The following FREM2 variants were observed in gnomAD, a reference collection of about 807,000 sequenced individuals.
The protein encoded by FREM2 is FRAS1 related extracellular matrix 2.
A neutral mutation model predicts 219.9 loss-of-function variants in FREM2; 119 were observed. That is an observed-to-expected ratio of 0.54 (90% confidence interval 0.47 to 0.63). The LOEUF is 0.63. Among genes scored for constraint, FREM2 ranks in the 30% least tolerant of loss-of-function variants. The probability of loss-of-function intolerance (pLI) is 0.00; values close to 1 mark genes in which losing one functional copy is unlikely to be tolerated. For synonymous variants in FREM2, 1,562 were observed against 1,522.8 expected (o/e 1.03, Z -0.60); for missense variants, 4,030 against 3,993.6 (o/e 1.01, Z -0.25).
intron 2 of FREM2, among the ~76,000 whole-genome samples, chr13:38,718,083 G>T (rs370059991): frequency 6.6e-6 from 1 of 152,112 alleles, no homozygotes; most frequent in Non-Finnish European, 1.5e-5. Flanking sequence ...TACCCAAAAA[G>T]ACATCATTTA....
At chr13:38,782,319 T>A (rs1266239304) in intron 4 of FREM2, among the ~76,000 whole-genome samples, 1 of 152,226 alleles carries the variant, frequency 6.6e-6, no homozygotes, top group Non-Finnish European at 1.5e-5. Context: ...TTGTTTTACA[T>A]GATAACTGCA....
intron 6 of FREM2, among the ~76,000 whole-genome samples, chr13:38,822,366 T>TTG (rs1555269932): frequency 3.4e-5 from 5 of 146,758 alleles, no homozygotes; most frequent in African/African-American, 1.0e-4. Flanking sequence ...TTTTTTTTTT[T>TTG]TTTTTAAGAA....
chr13:38,692,663 T>C, intron 1 of FREM2, 146 bp downstream of exon 1: 1 of 921,218 alleles, frequency 1.1e-6, no homozygotes. Flanking sequence ...CTCACTTTCC[T>C]AGGAGGACAG....
At chr13:38,748,187 G>A (rs912419750) in intron 2 of FREM2, among the ~76,000 whole-genome samples, 1 of 152,194 alleles carries the variant, frequency 6.6e-6, no homozygotes, top group African/African-American at 2.4e-5. Context: ...TGTTCCAACA[G>A]TAAATGTGGT....
At chr13:38,721,385 C>T (rs1172370754) in intron 2 of FREM2, among the ~76,000 whole-genome samples, 1 of 152,082 alleles carries the variant, frequency 6.6e-6, no homozygotes, top group Non-Finnish European at 1.5e-5. Flanking sequence ...AACAAAGAGG[C>T]AGCCATGGGT....
At chr13:38,779,472 C>T (rs1450082104) in intron 4 of FREM2, 1 of 151,972 alleles carries the variant, frequency 6.6e-6, no homozygotes, top group Non-Finnish European at 1.5e-5. Context: ...AGCACGGCCC[C>T]TGTGCAAGGA....
intron 2 of FREM2, among the ~76,000 whole-genome samples, chr13:38,711,650 A>G (rs1470630): frequency 0.39 from 59,302 of 152,038 alleles, 14,038 homozygotes; most frequent in Non-Finnish European, 0.54. Flanking sequence ...AATGTCTTTG[A>G]TCATATCATA....
intron 6 of FREM2, among the ~76,000 whole-genome samples, chr13:38,829,406 T>C (rs779890154): frequency 1.3e-5 from 2 of 152,112 alleles, no homozygotes; most frequent in African/African-American, 2.4e-5. Context: ...CCAAGATTCC[T>C]TTTAACATGA....
chr13:38,761,901 G>A (rs1048059120), intron 2 of FREM2, among the ~76,000 whole-genome samples: 2 of 152,136 alleles, frequency 1.3e-5, no homozygotes, highest in Non-Finnish European at 2.9e-5. Context: ...GAACAATCAG[G>A]GTAGGTCAGG....
In FREM2 at chr13:38,690,302, A is replaced by G. The variant is rs1869767923; in HGVS notation, c.2958A>G (p.Glu986=). The change falls in exon 1 of 24, where the codon GAA becomes GAG. Residue 986 remains glutamate (E), a synonymous_variant. Coordinates refer to ENST00000280481, the MANE Select transcript of FREM2 (RefSeq NM_207361.6). Reference sequence around the variant, plus strand: ...ACTTGATGTTGACTTTCCTCTTGGAAGATCCACCTTTGTATGGGGAAATCT... The same window carrying G: ...ACTTGATGTTGACTTTCCTCTTGGAGGATCCACCTTTGTATGGGGAAATCT... ...TDDLMLTFLL[E]DPPLYGEILV... 6.2e-7 allele frequency: 1 copy of G among 1,614,118 alleles called. No individual in the cohort carries two copies. The highest frequency in any genetic ancestry group is 1.7e-5 in the Admixed American group (1 of 60,012).
rs1361010308 is a variant in FREM2 at position 38,805,559 on chromosome 13, T to C, written c.6019+20751T>C. Among the ~76,000 whole-genome samples, 10 of 151,888 alleles carry C rather than the reference T, an allele frequency of 6.6e-5. 1 individual carries two copies. Among genetic ancestry groups the C allele is most frequent in the Admixed American group, 2.0e-4 (3 of 15,256 alleles). Reference sequence around the variant, plus strand: ...AACTAACTAAGCTGAAGTTTGAGATTTATAAGTCACATGTCTGATGGTGGC... The same window carrying C: ...AACTAACTAAGCTGAAGTTTGAGATCTATAAGTCACATGTCTGATGGTGGC... On this transcript the variant is annotated intron_variant, in intron 6 of 23. Transcript: ENST00000280481.
Position 38,861,473 on chromosome 13 carries a change from C to T in FREM2, c.7562C>T (p.Pro2521Leu), listed in dbSNP as rs770297414. ...GTACCTGGGGTTGTTGGAGCAGAGC[C>T]GTTCTCAGCTAAATTGCGCTACACA... ...PRVPGVVGAE[P>L]FSAKLRYTGP... is the part of the protein sequence containing the mutation. Residue 2521 changes from proline (P) to leucine (L), a missense_variant, in exon 15 of 24, where the codon CCG becomes CTG. Coordinates refer to ENST00000280481, the MANE Select transcript of FREM2 (RefSeq NM_207361.6). 96 of 1,612,750 alleles carry T rather than the reference C, an allele frequency of 6.0e-5. No individual in the cohort carries two copies. The highest frequency in any genetic ancestry group is 7.6e-5 in the Non-Finnish European group (90 of 1,179,322).
intron 4 of FREM2, among the ~76,000 whole-genome samples, chr13:38,777,946 C>G (rs1873942595): frequency 6.6e-6 from 1 of 152,194 alleles, no homozygotes; most frequent in African/African-American, 2.4e-5. Flanking sequence ...AGCCCAGACA[C>G]TCGGTTTTCT....
intron 6 of FREM2, among the ~76,000 whole-genome samples, chr13:38,786,098 T>C (rs1874318335): frequency 6.6e-6 from 1 of 152,200 alleles, no homozygotes; most frequent in African/African-American, 2.4e-5. Flanking sequence ...TGAAGCTATG[T>C]AATGTATTAT....
rs146195006 is a variant in FREM2 at position 38,691,378 on chromosome 13, A to G, written c.4034A>G (p.Tyr1345Cys). Residue 1345 changes from tyrosine to cysteine, a missense_variant, in exon 1 of 24, where the codon TAT (tyrosine) becomes TGT (cysteine). Physicochemically the swap from Tyr to Cys is radical, Grantham distance 194. Around this residue, in one of 2 missense-constraint regions of FREM2, gnomAD observed 3,102 missense variants for 2,950.7 expected, o/e 1.05. Transcript: ENST00000280481. ...EDKSLVYIIR[Y>C]GPGHGLLQRR... Reference sequence around the variant, plus strand: ...AAATCTTTGGTTTATATTATTCGTTATGGGCCAGGACATGGCTTATTACAG... The same window carrying G: ...AAATCTTTGGTTTATATTATTCGTTGTGGGCCAGGACATGGCTTATTACAG... 1.4e-4 allele frequency: 225 copies of G among 1,613,962 alleles called. No homozygotes were observed. Among genetic ancestry groups the G allele is most frequent in the Middle Eastern group, 3.3e-4 (2 of 6,084 alleles).
At position 38,763,464 on chromosome 13, in the gene FREM2, C is replaced by CTTTTTTTTTTTTTTTTTTTTTTTTTTTT. The variant is rs1163604743; in HGVS notation, c.5264-827_5264-826insTTTTTTTTTTTTTTTTTTTTTTTTTTTT. Among the ~76,000 whole-genome samples the CTTTTTTTTTTTTTTTTTTTTTTTTTTTT allele has an allele frequency of 2.9e-5, 3 of 102,360 alleles. 1 individual carries two copies. The highest frequency in any genetic ancestry group is 1.1e-4 in the African/African-American group (3 of 27,806). The allele number at this position is 102,360 out of a possible 152,430, so 67.2% of individuals were successfully genotyped here. On this transcript the variant is annotated intron_variant, in intron 2 of 23. Coordinates refer to ENST00000280481, the MANE Select transcript of FREM2 (RefSeq NM_207361.6). ...CCTCTAGCTGTGTTTGTTACTTGGG[C>CTTTTTTTTTTTTTTTTTTTTTTTTTTTT]TTTTTTTTTTTTTACACCCTCTTTC...
Position 38,859,458 on chromosome 13 carries a change from A to G in FREM2, c.7387A>G (p.Lys2463Glu). Residue 2463 changes from lysine to glutamate, a missense_variant, in exon 14 of 24, where the codon AAG becomes GAG. Physicochemically the swap from Lys to Glu is moderately conservative, Grantham distance 56. Transcript: ENST00000280481. ...CTTCGACACCTTTTTTACGTCATCC[A>G]AGATGGTCACACTGGACTCCATATA... ...VDFDTFFTSS[K>E]MVTLDSIYFQ... The G allele has an allele frequency of 1.9e-6, 3 of 1,614,144 alleles. No individual in the cohort carries two copies. The highest frequency in any genetic ancestry group is 2.5e-6 in the Non-Finnish European group (3 of 1,180,016).
chr13:38,857,633 A>T (rs1012679655), intron 12 of FREM2, among the ~76,000 whole-genome samples: 19 of 152,202 alleles, frequency 1.2e-4, no homozygotes, highest in Non-Finnish European at 2.5e-4. Context: ...CCGCTGGCCA[A>T]CCTTTGGATT....
chr13:38,855,988 A>T (rs1258757241), intron 11 of FREM2, 138 bp from the exon 12 acceptor site: 1 of 601,512 alleles, frequency 1.7e-6, no homozygotes. Flanking sequence ...CATTTTACAC[A>T]CACACCCAAA....
Sources: gnomAD v4.1 joint callset for allele counts (sites outside exome capture counted in the v4.1 genomes callset) on GRCh38, gnomAD v4.1.1 for gene constraint, gnomAD v4.1.1 regional missense constraint, MANE v1.5 for transcripts, NCBI Gene and HGNC (gene_info 2026-07-23, HGNC 2026-07-21) for gene names.